Variants in FBLIM1 observed in about 807,000 individuals in gnomAD.
The protein encoded by FBLIM1 is filamin binding LIM protein 1.
Under a neutral mutation model 37.4 loss-of-function variants are expected in FBLIM1, and 29 were observed. The ratio of observed to expected loss-of-function variants is 0.77; its 90% CI spans 0.58 to 1.06. The LOEUF (loss-of-function observed/expected upper bound fraction) is 1.06, where lower values mean the gene tolerates loss of function less well. Among genes scored for constraint, FBLIM1 ranks in the 50% least tolerant of loss-of-function variants. The pLI, the probability that FBLIM1 is intolerant of heterozygous loss-of-function variation, is 0.00. For synonymous variants in FBLIM1, 193 were observed against 199.0 expected (o/e 0.97, Z 0.25); for missense variants, 449 against 505.6 (o/e 0.89, Z 1.07).
At chr1:15,770,815 A>T (rs1336556255) in intron 6 of FBLIM1, among the ~76,000 whole-genome samples, 1 of 152,224 alleles carries the variant, frequency 6.6e-6, no homozygotes, top group Non-Finnish European at 1.5e-5. Flanking sequence ...ATTCTGTCCC[A>T]GTTCGGGAGA....
At chr1:15,761,830 G>A (rs1344617794) in intron 1 of FBLIM1, among the ~76,000 whole-genome samples, 1 of 152,158 alleles carries the variant, frequency 6.6e-6, no homozygotes, top group Non-Finnish European at 1.5e-5. Context: ...TGAACCCAAA[G>A]TGGCCAGTGC....
intron 1 of FBLIM1, among the ~76,000 whole-genome samples, chr1:15,763,082 T>C (rs1211181727): frequency 6.8e-6 from 1 of 147,860 alleles, no homozygotes; most frequent in Non-Finnish European, 1.5e-5. Context: ...TCTTTTTTTT[T>C]TTTTAGACAG....
chr1:15,770,422 C>G lies in FBLIM1; in HGVS notation c.555C>G (p.Phe185Leu). 6.2e-7 allele frequency: 1 copy of G among 1,613,114 alleles called. No individual in the cohort carries two copies. Residue 185 changes from phenylalanine to leucine, a missense_variant, in exon 6 of 9, where the codon TTC (phenylalanine) becomes TTG (leucine). Coordinates refer to ENST00000375766, the MANE Select transcript of FBLIM1 (RefSeq NM_017556.4). ...EKGASTDICA[F>L]CHKTVSPREL... is the part of the protein sequence containing the mutation. Reference sequence around the variant, plus strand: ...CCCCTACCCCAGACATCTGTGCCTTCTGCCACAAGACCGTGTCCCCCCGAG... The same window carrying G: ...CCCCTACCCCAGACATCTGTGCCTTGTGCCACAAGACCGTGTCCCCCCGAG...
At chr1:15,779,977 T>A (rs1332092746) in intron 8 of FBLIM1, among the ~76,000 whole-genome samples, 1 of 152,094 alleles carries the variant, frequency 6.6e-6, no homozygotes, top group Non-Finnish European at 1.5e-5. Context: ...ACTTTTGGGC[T>A]CAAGCAGTTC....
intron 8 of FBLIM1, among the ~76,000 whole-genome samples, chr1:15,782,135 G>A (rs1000721892): frequency 6.6e-6 from 1 of 151,976 alleles, no homozygotes; most frequent in Admixed American, 6.6e-5. Flanking sequence ...AAACTGGTGG[G>A]GTGTGGTGGC....
Position 15,770,926 on chromosome 1 carries a change from TTTC to T in FBLIM1, c.711+363_711+365del, listed in dbSNP as rs563448816. Among the ~76,000 whole-genome samples the T allele has an allele frequency of 2.0e-3, 307 of 152,232 alleles. 3 individuals carry two copies. Among genetic ancestry groups the T allele is most frequent in the East Asian group, 0.017 (87 of 5,180 alleles). ...ATCTCTGCCTTTTGCAATTTCTTTTTTTCTTCTTCTTCTTCTTTTTTTTTGCGG... is the reference window on the plus strand; with the variant it reads ...ATCTCTGCCTTTTGCAATTTCTTTTTTTCTTCTTCTTCTTTTTTTTTGCGG... On this transcript the variant is annotated intron_variant, in intron 6 of 8. Transcript: ENST00000375766.
intron 8 of FBLIM1, 122 bp from the exon 9 acceptor site, chr1:15,784,425 TC>T: frequency 1.4e-6 from 1 of 709,688 alleles, no homozygotes; most frequent in East Asian, 2.6e-5. Context: ...GCCTCCTTCC[TC>T]CCACTTAGGA....
chr1:15,775,014 C>A lies in FBLIM1; in HGVS notation c.890+218C>A. ...CGGGTGGATCACGAGGTCAGGAGAT[C>A]GAGATCATCCTGGCTAACATGGTGA... On this transcript the variant is annotated intron_variant, in intron 7 of 8. Coordinates refer to ENST00000375766, the MANE Select transcript of FBLIM1 (RefSeq NM_017556.4). 5 of 891,324 alleles carry A rather than the reference C, an allele frequency of 5.6e-6. No individual in the cohort carries two copies. In the South Asian group the frequency reaches 7.2e-5, roughly 13 times the overall value. 55.2% of individuals were successfully genotyped at this position (891,324 alleles called of 1,614,324 possible).
At position 15,774,723 on chromosome 1, in the gene FBLIM1, G is replaced by A. The variant is rs199815548; in HGVS notation, c.817G>A (p.Ala273Thr). The A allele has an allele frequency of 1.0e-4, 168 of 1,614,016 alleles. No homozygotes were observed. Among genetic ancestry groups the A allele is most frequent in the Non-Finnish European group, 1.3e-4 (153 of 1,180,006 alleles). ...CTCCTGCTTCACGTGTGTGACCTGC[G>A]CCCGGTGCATTGGGGATGAGAGCTT... Reference protein sequence around the residue: ...HPSCFTCVTCARCIGDESFAL... With the variant: ...HPSCFTCVTCTRCIGDESFAL... Residue 273 changes from alanine (A) to threonine (T), a missense_variant, in exon 7 of 9, where the codon GCC becomes ACC. Transcript: ENST00000375766.
chr1:15,764,677 T>TGATC lies in FBLIM1; in HGVS notation c.-28_-25dup, dbSNP rs753133008. Reference sequence around the variant, plus strand: ...CTCGCGGGTGTGAGACAAGGAAGAGTGATCATTGGTGAGGGCTGCCCTTTG... The same window carrying TGATC: ...CTCGCGGGTGTGAGACAAGGAAGAGTGATCGATCATTGGTGAGGGCTGCCCTTTG... On this transcript the variant is annotated 5_prime_UTR_variant, in exon 2 of 9. Coordinates refer to ENST00000375766, the MANE Select transcript of FBLIM1 (RefSeq NM_017556.4). 7.4e-5 allele frequency: 28 copies of TGATC among 379,956 alleles called. No individual in the cohort carries two copies. Among genetic ancestry groups the TGATC allele is most frequent in the Non-Finnish European group, 1.3e-4 (28 of 211,810 alleles). 23.5% of individuals were successfully genotyped at this position (379,956 alleles called of 1,614,324 possible). A position where few individuals can be genotyped will look rare whatever the true frequency, so the allele number is the denominator to read the frequency against.
chr1:15,767,445 C>T lies in FBLIM1; in HGVS notation c.320C>T (p.Pro107Leu). 6.4e-7 allele frequency: 1 copy of T among 1,564,144 alleles called. No homozygotes were observed. The highest frequency in any genetic ancestry group is 8.7e-7 in the Non-Finnish European group (1 of 1,148,358). Residue 107 changes from proline to leucine, a missense_variant, in exon 4 of 9, where the codon CCT becomes CTT. By Grantham distance (98) the Pro-to-Leu change is moderately conservative. Transcript: ENST00000375766. ...VLPDLDLLPP[P>L]PPPPPVLLPS... is the part of the protein sequence containing the mutation. ...CCTGACCTGGACCTCCTCCCACCCC[C>T]TCCACCGCCCCCTCCAGTGCTTCTG... is the stretch of plus-strand genomic sequence containing the variant.
intron 8 of FBLIM1, among the ~76,000 whole-genome samples, chr1:15,779,204 G>A (rs1365100938): frequency 3.9e-5 from 6 of 151,952 alleles, no homozygotes; most frequent in African/African-American, 9.7e-5. Context: ...CCAAAGTGCT[G>A]GGATTACAGG....
Position 15,777,163 on chromosome 1 carries a change from C to A in FBLIM1, c.891-7C>A. On this transcript the variant is annotated splice_region_variant and splice_polypyrimidine_tract_variant and intron_variant, in intron 7 of 8. Transcript: ENST00000375766. ...CGCCTCCCAAGCATGGGTTCCTTTG[C>A]TTCTAGGAAATTCGCCCCCGTCTGC... 3.1e-6 allele frequency: 5 copies of A among 1,595,870 alleles called. No individual in the cohort carries two copies. The highest frequency in any genetic ancestry group is 4.3e-6 in the Non-Finnish European group (5 of 1,166,668).
At chr1:15,760,928 G>A (rs942312964) in intron 1 of FBLIM1, among the ~76,000 whole-genome samples, 2 of 152,104 alleles carry the variant, frequency 1.3e-5, no homozygotes, top group African/African-American at 4.8e-5. Context: ...GAGGGAAGCC[G>A]GGGCTCCCTC....
At chr1:15,782,645 G>GT (rs1384780990) in intron 8 of FBLIM1, among the ~76,000 whole-genome samples, 1 of 152,086 alleles carries the variant, frequency 6.6e-6, no homozygotes, top group African/African-American at 2.4e-5. Flanking sequence ...AGATGGTGCA[G>GT]TTGTATAGCC....
At chr1:15,771,171 C>G (rs1213803139) in intron 6 of FBLIM1, among the ~76,000 whole-genome samples, 2 of 151,768 alleles carry the variant, frequency 1.3e-5, no homozygotes, top group East Asian at 3.9e-4. Context: ...AACTCCTGAC[C>G]TCGTGAGCCA....
chr1:15,763,362 A>G (rs901655684), intron 1 of FBLIM1, among the ~76,000 whole-genome samples: 1 of 151,482 alleles, frequency 6.6e-6, no homozygotes, highest in Non-Finnish European at 1.5e-5. Flanking sequence ...CCGGGGTGCG[A>G]TGGCTCACGC....
rs866234156 is a variant in FBLIM1, at chr1:15,784,748, A to G, written c.*87A>G. 1 of 1,190,648 alleles carries G rather than the reference A, an allele frequency of 8.4e-7. No individual in the cohort carries two copies. 73.8% of individuals were successfully genotyped at this position (1,190,648 alleles called of 1,614,324 possible). On this transcript the variant is annotated 3_prime_UTR_variant, in exon 9 of 9. Transcript: ENST00000375766. Reference sequence around the variant, plus strand: ...TTCCCTTCCTAACCTGCTCTTGCACACTTTCCTTCTGAGCCTCCATGGAGA... The same window carrying G: ...TTCCCTTCCTAACCTGCTCTTGCACGCTTTCCTTCTGAGCCTCCATGGAGA...
chr1:15,770,816 G>T (rs1032796228), intron 6 of FBLIM1, among the ~76,000 whole-genome samples: 1 of 152,226 alleles, frequency 6.6e-6, no homozygotes, highest in African/African-American at 2.4e-5. Context: ...TTCTGTCCCA[G>T]TTCGGGAGAT....
Sources: gnomAD v4.1 joint callset for allele counts (sites outside exome capture counted in the v4.1 genomes callset) on GRCh38, gnomAD v4.1.1 for gene constraint, MANE v1.5 for transcripts, NCBI Gene and HGNC (gene_info 2026-07-23, HGNC 2026-07-21) for gene names.